Variants in TRIP12 observed in about 807,000 individuals in gnomAD.
TRIP12 encodes E3 ubiquitin-protein ligase TRIP12.
A neutral mutation model predicts 244.2 loss-of-function variants in TRIP12; 25 were observed. The ratio of observed to expected loss-of-function variants is 0.10; its 90% CI spans 0.07 to 0.14. TRIP12 has a LOEUF of 0.14. Among genes scored for constraint, TRIP12 ranks in the 10% least tolerant of loss-of-function variants. The pLI, the probability that TRIP12 is intolerant of heterozygous loss-of-function variation, is 1.00. For synonymous variants in TRIP12, 905 were observed against 873.1 expected (o/e 1.04, Z -0.64); for missense variants, 1,677 against 2,486.4 (o/e 0.67, Z 6.92).
Position 229,858,763 on chromosome 2 carries a change from T to C in TRIP12, c.1027+9A>G. On this transcript the variant is annotated intron_variant, in intron 4 of 41. Coordinates refer to ENST00000675903, the MANE Select transcript of TRIP12 (RefSeq NM_001348323.3). ...TTAATTAAAGAAAAATACCTTTTTG[T>C]AAACTTACTTGCTAATTTGGCCTGT... The C allele has an allele frequency of 6.4e-7, 1 of 1,551,984 alleles. No individual in the cohort carries two copies. Among genetic ancestry groups the C allele is most frequent in the Non-Finnish European group, 8.7e-7 (1 of 1,149,424 alleles).
intron 4 of TRIP12, among the ~76,000 whole-genome samples, chr2:229,855,083 G>A (rs780237175): frequency 2.6e-5 from 4 of 152,172 alleles, no homozygotes; most frequent in African/African-American, 4.8e-5. Flanking sequence ...GGCCAACATG[G>A]TGAAACCCCA....
At position 229,778,749 on chromosome 2, in the gene TRIP12, G is replaced by A; in HGVS notation, c.5209+127C>T. The A allele has an allele frequency of 1.5e-6, 2 of 1,327,630 alleles. No individual in the cohort carries two copies. The highest frequency in any genetic ancestry group is 1.4e-5 in the South Asian group (1 of 72,038). 82.2% of individuals were successfully genotyped at this position (1,327,630 alleles called of 1,614,324 possible). A position where few individuals can be genotyped will look rare whatever the true frequency, so the allele number is the denominator to read the frequency against. ...GACAGGCCTTCCCTATTTGATAAAT[G>A]AGAAAACAGAGGCTAAAAGAAAGCA... is the stretch of plus-strand genomic sequence containing the variant. On this transcript the variant is annotated intron_variant, in intron 35 of 41. Transcript: ENST00000675903. The surrounding 1 kb of genome is among the most constrained non-coding windows in gnomAD (Gnocchi z 4.1).
intron 6 of TRIP12, chr2:229,831,047 G>T: frequency 1.4e-6 from 1 of 696,014 alleles, no homozygotes; most frequent in Non-Finnish European, 2.6e-6. Context: ...GTATTAAAAA[G>T]GTTGTATTTT....
intron 15 of TRIP12, among the ~76,000 whole-genome samples, chr2:229,808,634 G>A (rs550932760): frequency 1.3e-5 from 2 of 152,266 alleles, no homozygotes; most frequent in Admixed American, 6.5e-5. Flanking sequence ...TCTCACCCCT[G>A]AGACTTCAGG....
chr2:229,916,642 G>A (rs2075443991), intron 1 of TRIP12, among the ~76,000 whole-genome samples: 1 of 152,140 alleles, frequency 6.6e-6, no homozygotes, highest in African/African-American at 2.4e-5. Flanking sequence ...TGAATAATGG[G>A]TAAGTTCCTT....
rs530448336 is a variant in TRIP12, at chr2:229,897,918, C to G, written c.-49-17790G>C. On this transcript the variant is annotated intron_variant, in intron 1 of 41. Coordinates refer to ENST00000675903, the MANE Select transcript of TRIP12 (RefSeq NM_001348323.3). The stretch of plus-strand genomic sequence containing the variant: ...GTCACAACACCTGCCACAAGTTAAC[C>G]AGGATTCAAGACTCAACAAACAACC... Among the ~76,000 whole-genome samples, 5 of 152,274 alleles carry G rather than the reference C, an allele frequency of 3.3e-5. No individual in the cohort carries two copies. The South Asian group carries it at 8.3e-4, about 25-fold the overall frequency.
At chr2:229,902,314 AG>A (rs2071159660) in intron 1 of TRIP12, among the ~76,000 whole-genome samples, 1 of 152,038 alleles carries the variant, frequency 6.6e-6, no homozygotes, top group Non-Finnish European at 1.5e-5. Flanking sequence ...CAGGAGGCGG[AG>A]GTAGCAGTGA....
chr2:229,769,516 G>A (rs1224366805), intron 39 of TRIP12, among the ~76,000 whole-genome samples, 191 bp from the exon 40 acceptor site: 2 of 151,306 alleles, frequency 1.3e-5, no homozygotes, highest in East Asian at 1.9e-4. Context: ...TTCCTTTTTA[G>A]CTGTACGCTA....
intron 7 of TRIP12, 67 bp from the exon 8 acceptor site, chr2:229,829,355 T>G (rs2052661629): frequency 1.9e-5 from 24 of 1,261,530 alleles, no homozygotes; most frequent in Non-Finnish European, 2.6e-5. Flanking sequence ...ATCTAAAAAT[T>G]TCAAGTAACT....
rs2046242118 is a variant in TRIP12 at position 229,807,779 on chromosome 2, C to T, written c.2425G>A (p.Ala809Thr). 1 of 1,614,188 alleles carries T rather than the reference C, an allele frequency of 6.2e-7. No homozygotes were observed. Among genetic ancestry groups the T allele is most frequent in the Non-Finnish European group, 8.5e-7 (1 of 1,180,038 alleles). ...CGATCATCACGCCACTGCCATATCGCACCATCTGTGTTCTGTGCATTTCCC... is the reference window on the plus strand; with the variant it reads ...CGATCATCACGCCACTGCCATATCGTACCATCTGTGTTCTGTGCATTTCCC... ...KKGNAQNTDG[A>T]IWQWRDDRGL... The change falls in exon 17 of 42, where the codon GCG becomes ACG. Residue 809 changes from alanine (A) to threonine (T), a missense_variant. Transcript: ENST00000675903.
chr2:229,838,240 C>T (rs544486701), intron 5 of TRIP12, among the ~76,000 whole-genome samples: 1 of 152,290 alleles, frequency 6.6e-6, no homozygotes, highest in African/African-American at 2.4e-5. Flanking sequence ...TCATTCCCAA[C>T]CCATTTTACA....
chr2:229,772,973 A>G (rs1040015877), intron 38 of TRIP12, among the ~76,000 whole-genome samples: 1 of 152,220 alleles, frequency 6.6e-6, no homozygotes, highest in Non-Finnish European at 1.5e-5. Flanking sequence ...AACATTGGTA[A>G]TAAGGATCTA....
intron 1 of TRIP12, among the ~76,000 whole-genome samples, chr2:229,911,409 C>T (rs1452875107): frequency 6.6e-6 from 1 of 152,178 alleles, no homozygotes; most frequent in Non-Finnish European, 1.5e-5. Context: ...CTTCAGCCAC[C>T]ATACAACCTA....
At chr2:229,889,654 G>A (rs982137399) in intron 1 of TRIP12, among the ~76,000 whole-genome samples, 13 of 152,034 alleles carry the variant, frequency 8.6e-5, no homozygotes, top group Admixed American at 3.9e-4. Flanking sequence ...CTCTAAAATC[G>A]GATTCAGTTC....
At chr2:229,819,084 AC>A (rs777440861) in intron 8 of TRIP12, among the ~76,000 whole-genome samples, 2,035 of 121,754 alleles carry the variant, frequency 0.017, 25 homozygotes, top group East Asian at 0.036. Flanking sequence ...ACACACACAC[AC>A]AATTATAAAC....
chr2:229,899,817 T>C (rs1208935584), intron 1 of TRIP12, among the ~76,000 whole-genome samples: 2 of 152,154 alleles, frequency 1.3e-5, no homozygotes, highest in Non-Finnish European at 2.9e-5. Flanking sequence ...GGGGCATGAA[T>C]GAATGAGCAA....
intron 2 of TRIP12, among the ~76,000 whole-genome samples, chr2:229,878,110 T>C (rs1002102670): frequency 6.6e-6 from 1 of 152,148 alleles, no homozygotes; most frequent in Non-Finnish European, 1.5e-5. Flanking sequence ...TGAGGTTTCC[T>C]GAAACTCTTA....
In TRIP12 at chr2:229,787,658, T is replaced by C. The variant is rs1193745133; in HGVS notation, c.4842A>G (p.Pro1614=). The C allele has an allele frequency of 3.7e-6, 6 of 1,600,760 alleles. No homozygotes were observed. The highest frequency in any genetic ancestry group is 1.3e-5 in the African/African-American group (1 of 74,316). The change falls in exon 33 of 42, where the codon CCA becomes CCG. Residue 1614 remains proline, a synonymous_variant. Transcript: ENST00000675903. ...TWLTELGKTC[P]FFFPFDTRQM... ...GCCGGGTATCAAAAGGAAAGAAAAA[T>C]GGGCTGTAAAAAGATGCAATGTAAG...
rs2032001639 is a variant in TRIP12, at chr2:229,767,046, A to T, written c.*508T>A. 6.6e-6 allele frequency: 1 copy of T among 152,502 alleles called. No individual in the cohort carries two copies. The allele number at this position is 152,502 out of a possible 1,614,324, so 9.4% of individuals were successfully genotyped here. On this transcript the variant is annotated 3_prime_UTR_variant, in exon 42 of 42. Coordinates refer to ENST00000675903, the MANE Select transcript of TRIP12 (RefSeq NM_001348323.3). ...ACTGTGAGCTGCACAGATAATAATG[A>T]ATCAGGGAGAGAAAATCAGAGGAAA...
Sources: allele counts gnomAD v4.1 joint callset (sites outside exome capture counted in the v4.1 genomes callset), GRCh38; gene constraint gnomAD v4.1.1; non-coding constraint Gnocchi (gnomAD v3.1); transcripts MANE v1.5; gene names NCBI Gene and HGNC (gene_info 2026-07-23, HGNC 2026-07-21).